Variants in MOV10 observed in about 807,000 individuals in gnomAD.
The protein encoded by MOV10 is RNA helicase MOV-10.
Under a neutral mutation model 108.4 loss-of-function variants are expected in MOV10, and 39 were observed. That is an observed-to-expected ratio of 0.36 (90% CI 0.28 to 0.47). The LOEUF (loss-of-function observed/expected upper bound fraction) is 0.47, where lower values mean the gene tolerates loss of function less well. Among genes scored for constraint, MOV10 ranks in the 20% least tolerant of loss-of-function variants. The pLI, the probability that MOV10 is intolerant of heterozygous loss-of-function variation, is 1.00. For synonymous variants in MOV10, 490 were observed against 523.1 expected (o/e 0.94, Z 0.86); for missense variants, 952 against 1,297.6 (o/e 0.73, Z 4.09).
Position 112,674,978 on chromosome 1 carries a change from C to T in MOV10, c.66C>T (p.Val22=). 1 of 1,581,564 alleles carries T rather than the reference C, an allele frequency of 6.3e-7. No individual in the cohort carries two copies. The highest frequency in any genetic ancestry group is 8.6e-7 in the Non-Finnish European group (1 of 1,165,216). ...GCCAGTGTTTCGAGAGTTTCCTGGT[C>T]GTTCGGGGACTGGACATGGAGACAG... ...EAGQCFESFL[V]VRGLDMETDR... is the part of the protein sequence containing the mutation. The change falls in exon 2 of 21, where the codon GTC becomes GTT. Residue 22 remains valine (V), a synonymous_variant. Transcript: ENST00000369645.
intron 14 of MOV10, 43 bp from the exon 15 acceptor site, chr1:112,697,951 G>A (rs773135879): frequency 1.3e-6 from 2 of 1,535,962 alleles, no homozygotes; most frequent in Admixed American, 3.3e-5. Flanking sequence ...AGGGCAGAGG[G>A]AATCTGACCC....
At chr1:112,681,675 C>T (rs1672662710) in intron 2 of MOV10, among the ~76,000 whole-genome samples, 2 of 152,016 alleles carry the variant, frequency 1.3e-5, no homozygotes, top group African/African-American at 4.8e-5. Context: ...TCCACATACC[C>T]TTACCTAGAT....
intron 14 of MOV10, among the ~76,000 whole-genome samples, chr1:112,697,385 G>A (rs561818667): frequency 3.9e-5 from 6 of 152,234 alleles, no homozygotes; most frequent in East Asian, 1.9e-4. Flanking sequence ...CAGGATAATC[G>A]CTTGTACCCG....
intron 17 of MOV10, chr1:112,699,008 T>C (rs1674373100): frequency 1.8e-6 from 1 of 569,812 alleles, no homozygotes; most frequent in Non-Finnish European, 3.1e-6. Flanking sequence ...ACACCTCCTG[T>C]CATTCTTAGA....
Position 112,694,313 on chromosome 1 carries a change from C to CG in MOV10, c.1296-138dup. The stretch of plus-strand genomic sequence containing the variant: ...TCCTCAGGGGTACCCTGAGATGCTA[C>CG]GGCAGCTTCCTCTTCTAGAGAACTT... On this transcript the variant is annotated intron_variant, in intron 8 of 20. Transcript: ENST00000369645. The surrounding 1 kb of genome is among the most constrained non-coding windows in gnomAD (Gnocchi z 4.1). The CG allele has an allele frequency of 7.2e-7, 1 of 1,396,584 alleles. No individual in the cohort carries two copies. The highest frequency in any genetic ancestry group is 1.0e-6 in the Non-Finnish European group (1 of 1,003,878). The allele number at this position is 1,396,584 out of a possible 1,614,324, so 86.5% of individuals were successfully genotyped here. A position where few individuals can be genotyped will look rare whatever the true frequency, so the allele number is the denominator to read the frequency against.
At chr1:112,683,210 G>A (rs919135555) in intron 2 of MOV10, among the ~76,000 whole-genome samples, 9 of 151,890 alleles carry the variant, frequency 5.9e-5, no homozygotes, top group Non-Finnish European at 8.8e-5. Flanking sequence ...GTGAGCCACC[G>A]TGCCCAGCCA....
chr1:112,674,727 C>A lies in MOV10; in HGVS notation c.-68C>A. ...GGACGAAGAAACCGAAGGGAAAGCT[C>A]AGGTAAGAAAAGAACGGAGGAGGGA... On this transcript the variant is annotated splice_region_variant and 5_prime_UTR_variant, in exon 1 of 21. Transcript: ENST00000369645. The A allele has an allele frequency of 1.9e-6, 1 of 539,138 alleles. No homozygotes were observed. Among genetic ancestry groups the A allele is most frequent in the South Asian group, 2.5e-5 (1 of 39,516 alleles). The allele number at this position is 539,138 out of a possible 1,614,324, so 33.4% of individuals were successfully genotyped here.
At chr1:112,691,539 G>A in intron 5 of MOV10, 126 bp from the exon 6 acceptor site, 2 of 1,193,464 alleles carry the variant, frequency 1.7e-6, no homozygotes, top group Non-Finnish European at 2.4e-6. Context: ...CACCCTTGGA[G>A]CGAGGCTGCT....
intron 2 of MOV10, 113 bp from the exon 3 acceptor site, chr1:112,688,822 C>T: frequency 6.5e-7 from 1 of 1,547,326 alleles, no homozygotes; most frequent in Non-Finnish European, 8.7e-7. Flanking sequence ...TGCTCCACAG[C>T]AGGGCTGGTG....
chr1:112,678,932 C>A (rs1183811503), intron 2 of MOV10, among the ~76,000 whole-genome samples: 1 of 152,020 alleles, frequency 6.6e-6, no homozygotes, highest in Non-Finnish European at 1.5e-5. Context: ...ACAACCTTCA[C>A]AAAACAATGC....
intron 18 of MOV10, 38 bp from the exon 19 acceptor site, chr1:112,699,856 C>A (rs375397963): frequency 3.7e-6 from 6 of 1,613,984 alleles, no homozygotes; most frequent in South Asian, 3.3e-5. Flanking sequence ...ATTCTCGGGG[C>A]TCTTCCCTCC....
intron 2 of MOV10, among the ~76,000 whole-genome samples, chr1:112,679,973 A>T (rs1488078226): frequency 6.6e-6 from 1 of 152,102 alleles, no homozygotes; most frequent in African/African-American, 2.4e-5. Context: ...ATCCCATTAG[A>T]CTTGCCTACA....
chr1:112,693,435 G>A (rs1241924252), intron 7 of MOV10, among the ~76,000 whole-genome samples: 1 of 152,166 alleles, frequency 6.6e-6, no homozygotes, highest in Non-Finnish European at 1.5e-5. Context: ...GGAGTGCAAT[G>A]GCATGATCTT....
intron 17 of MOV10, chr1:112,699,393 A>G (rs906836438): frequency 4.6e-6 from 5 of 1,096,398 alleles, no homozygotes; most frequent in Non-Finnish European, 3.5e-6. Context: ...GATTGTTTTC[A>G]GGAAAGTTTG....
intron 2 of MOV10, among the ~76,000 whole-genome samples, chr1:112,683,813 C>G (rs1318474565): frequency 1.3e-5 from 2 of 152,176 alleles, no homozygotes; most frequent in South Asian, 2.1e-4. Flanking sequence ...CAATTCTTGA[C>G]CACTGTGAGT....
At chr1:112,676,908 C>G (rs775943642) in intron 2 of MOV10, among the ~76,000 whole-genome samples, 2 of 152,136 alleles carry the variant, frequency 1.3e-5, no homozygotes, top group Non-Finnish European at 2.9e-5. Flanking sequence ...TTTGTCAGCT[C>G]TAAACCAAAG....
chr1:112,675,156 CCCCA>C lies in MOV10; in HGVS notation c.137+108_137+111del, dbSNP rs1672085081. 7.3e-7 allele frequency: 1 copy of C among 1,369,070 alleles called. No individual in the cohort carries two copies. Among genetic ancestry groups the C allele is most frequent in the Non-Finnish European group, 9.9e-7 (1 of 1,012,018 alleles). The allele number at this position is 1,369,070 out of a possible 1,614,324, so 84.8% of individuals were successfully genotyped here. On this transcript the variant is annotated intron_variant, in intron 2 of 20. Coordinates refer to ENST00000369645, the MANE Select transcript of MOV10 (RefSeq NM_001321324.2). This position sits in a 1 kb window ranked among gnomAD's most constrained non-coding sequence, Gnocchi z 4.7. Reference sequence around the variant, plus strand: ...CCCGGGGCGCAGAGGGACGCAGCTCCCCCAGCGGCTCAGGCCAGTCCCGGGGCGG... The same window carrying C: ...CCCGGGGCGCAGAGGGACGCAGCTCCGCGGCTCAGGCCAGTCCCGGGGCGG...
intron 5 of MOV10, 58 bp downstream of exon 5, chr1:112,690,156 G>A (rs1673456335): frequency 6.3e-7 from 1 of 1,585,384 alleles, no homozygotes; most frequent in South Asian, 1.2e-5. Context: ...ACATGGGCCA[G>A]GGCTTTGGGA....
rs867436323 is a variant in MOV10, at chr1:112,689,996, C to A, written c.734C>A (p.Pro245His). Residue 245 changes from proline to histidine, a missense_variant, in exon 5 of 21, where the codon CCC becomes CAC. By Grantham distance (77) the Pro-to-His change is moderately conservative. This residue lies in a region of MOV10 where 374 missense variants were observed against 468.6 expected (regional missense o/e 0.80). Coordinates refer to ENST00000369645, the MANE Select transcript of MOV10 (RefSeq NM_001321324.2). Reference protein sequence around the residue: ...ARFLAAVAHSPLAAQLKPMTP... With the variant: ...ARFLAAVAHSHLAAQLKPMTP... Reference sequence around the variant, plus strand: ...TTCTTGGCTGCCGTCGCCCACAGCCCCCTGGCTGCACAGCTGAAGCCCATG... The same window carrying A: ...TTCTTGGCTGCCGTCGCCCACAGCCACCTGGCTGCACAGCTGAAGCCCATG... 3.1e-6 allele frequency: 5 copies of A among 1,614,050 alleles called. No individual in the cohort carries two copies. In the African/African-American group the frequency reaches 6.7e-5, roughly 22 times the overall value.
Sources: gnomAD v4.1 joint callset for allele counts (sites outside exome capture counted in the v4.1 genomes callset) on GRCh38, gnomAD v4.1.1 for gene constraint, gnomAD v4.1.1 regional missense constraint, Gnocchi (gnomAD v3.1) non-coding constraint, MANE v1.5 for transcripts, NCBI Gene and HGNC (gene_info 2026-07-23, HGNC 2026-07-21) for gene names.